Variants in LBP observed in about 807,000 individuals in gnomAD.
LBP encodes lipopolysaccharide-binding protein.
LBP carries 53 observed loss-of-function variants against 56.6 expected under a neutral mutation model. The ratio of observed to expected loss-of-function variants is 0.94; its 90% CI spans 0.75 to 1.18. The LOEUF (loss-of-function observed/expected upper bound fraction) is 1.18, where lower values mean the gene tolerates loss of function less well. Among genes scored for constraint, LBP ranks in the 50% most tolerant of loss-of-function variants. The pLI, the probability that LBP is intolerant of heterozygous loss-of-function variation, is 0.00. For synonymous variants in LBP, 227 were observed against 247.5 expected (o/e 0.92, Z 0.78); for missense variants, 601 against 598.3 (o/e 1.00, Z -0.05).
rs386814036 is a variant in LBP at position 38,374,337 on chromosome 20, G to A, written c.1401+324G>A. ...CTGCGGGCCGGGTGCAGTGGCTCAC[G>A]CCTGTAATCCCAGCACTTTGGGAGG... On this transcript the variant is annotated intron_variant, in intron 14 of 14. Transcript: ENST00000217407. Among the ~76,000 whole-genome samples, 77 of 152,270 alleles carry A rather than the reference G, an allele frequency of 5.1e-4. 1 individual carries two copies. Among genetic ancestry groups the A allele is most frequent in the African/African-American group, 1.8e-3 (75 of 41,578 alleles).
intron 7 of LBP, 99 bp from the exon 8 acceptor site, chr20:38,364,477 C>A: frequency 1.8e-6 from 2 of 1,111,346 alleles, no homozygotes; most frequent in Non-Finnish European, 2.7e-6. Flanking sequence ...AGGCAGTGTT[C>A]CAGCCAGCGT....
At chr20:38,363,227 T>C (rs2076867806) in intron 6 of LBP, among the ~76,000 whole-genome samples, 1 of 152,216 alleles carries the variant, frequency 6.6e-6, no homozygotes, top group Admixed American at 6.5e-5. Context: ...TATGCCCAGA[T>C]TCAGCATTAT....
intron 14 of LBP, 144 bp from the exon 15 acceptor site, chr20:38,376,481 T>A (rs2083959123): frequency 1.3e-6 from 1 of 740,974 alleles, no homozygotes; most frequent in Non-Finnish European, 2.4e-6. Context: ...GCTTGGGGAC[T>A]GAGGCACACT....
chr20:38,370,492 T>A (rs1188409354), intron 10 of LBP, among the ~76,000 whole-genome samples: 1 of 152,198 alleles, frequency 6.6e-6, no homozygotes, highest in Non-Finnish European at 1.5e-5. Flanking sequence ...CTTCTCTTAG[T>A]AGTCTGTTCA....
chr20:38,358,994 T>C (rs938749821), intron 5 of LBP, among the ~76,000 whole-genome samples: 3 of 152,230 alleles, frequency 2.0e-5, no homozygotes, highest in Non-Finnish European at 4.4e-5. Flanking sequence ...TTGAAAATGG[T>C]CTCTTGATTG....
chr20:38,366,046 G>C (rs73287212), intron 8 of LBP, among the ~76,000 whole-genome samples: 3 of 152,028 alleles, frequency 2.0e-5, no homozygotes, highest in African/African-American at 7.3e-5. Context: ...ACCTTTAATG[G>C]TTCTCCAGTT....
intron 3 of LBP, among the ~76,000 whole-genome samples, chr20:38,352,424 G>T (rs146991170): frequency 0.01 from 1,565 of 152,284 alleles, 11 homozygotes; most frequent in Non-Finnish European, 0.017. Flanking sequence ...TGCAACACTG[G>T]ATTTGAAGAT....
chr20:38,369,081 G>C lies in LBP; in HGVS notation c.1068G>C (p.Leu356=). 1.2e-6 allele frequency: 2 copies of C among 1,614,202 alleles called. No individual in the cohort carries two copies. The highest frequency in any genetic ancestry group is 1.3e-5 in the African/African-American group (1 of 75,050). ...TCCTGAACTTCAGCCCTGGGAATCT[G>C]TCTGTGGACCCCTATATGGAGATAG... The part of the protein sequence containing the change: ...APLLNFSPGN[L]SVDPYMEIDA... The change falls in exon 10 of 15, where the codon CTG becomes CTC. Residue 356 remains leucine, a synonymous_variant. Coordinates refer to ENST00000217407, the MANE Select transcript of LBP (RefSeq NM_004139.5).
chr20:38,369,595 T>C (rs1350514657), intron 10 of LBP, among the ~76,000 whole-genome samples: 2 of 152,206 alleles, frequency 1.3e-5, no homozygotes, highest in Non-Finnish European at 2.9e-5. Context: ...AGGAGAATGA[T>C]GGCGGGGAGG....
At chr20:38,346,736 C>T in intron 1 of LBP, 96 bp downstream of exon 1, 10 of 1,537,494 alleles carry the variant, frequency 6.5e-6, no homozygotes, top group Middle Eastern at 3.5e-4. Flanking sequence ...AGACCGGACC[C>T]TCTCCCTGGG....
rs1458477483 is a variant in LBP, at chr20:38,369,127, A to G, written c.1114A>G (p.Ser372Gly). Reference protein sequence around the residue: ...MEIDAFVLLPSSSKEPVFRLS... With the variant: ...MEIDAFVLLPGSSKEPVFRLS... ...GATAGATGCCTTTGTGCTCCTGCCC[A>G]GCTCCAGCAAGGAGCCTGTCTTCCG... The change falls in exon 10 of 15, where the codon AGC (serine) becomes GGC (glycine). Residue 372 changes from serine (S) to glycine (G), a missense_variant. Physicochemically the swap from Ser to Gly is moderately conservative, Grantham distance 56 (BLOSUM62 0). Transcript: ENST00000217407. The G allele has an allele frequency of 6.2e-7, 1 of 1,613,990 alleles. No individual in the cohort carries two copies. The highest frequency in any genetic ancestry group is 8.5e-7 in the Non-Finnish European group (1 of 1,180,026).
At chr20:38,361,304 TATAA>T (rs1781087718) in intron 6 of LBP, among the ~76,000 whole-genome samples, 1 of 152,240 alleles carries the variant, frequency 6.6e-6, no homozygotes, top group Non-Finnish European at 1.5e-5. Flanking sequence ...CATGTAAGCA[TATAA>T]ATAGACATTC....
intron 7 of LBP, 70 bp from the exon 8 acceptor site, chr20:38,364,506 A>G (rs2076873599): frequency 1.4e-5 from 20 of 1,433,834 alleles, no homozygotes; most frequent in Non-Finnish European, 1.9e-5. Flanking sequence ...CGGACTGTGT[A>G]GGGGAATACC....
chr20:38,364,084 G>A lies in LBP; in HGVS notation c.744+18G>A, dbSNP rs376656218. ...TGTTTAAGGTGAGGGTCCTGGGGCC[G>A]GGCTGCGTGGGTGAGGCTTTCCCTC... On this transcript the variant is annotated intron_variant, in intron 7 of 14. Coordinates refer to ENST00000217407, the MANE Select transcript of LBP (RefSeq NM_004139.5). 219 of 1,556,342 alleles carry A rather than the reference G, an allele frequency of 1.4e-4. No individual in the cohort carries two copies. Among genetic ancestry groups the A allele is most frequent in the Middle Eastern group, 1.7e-4 (1 of 5,938 alleles).
intron 5 of LBP, 133 bp from the exon 6 acceptor site, chr20:38,360,571 A>G: frequency 3.1e-6 from 2 of 649,406 alleles, no homozygotes; most frequent in Non-Finnish European, 2.8e-6. Flanking sequence ...CTGGCTCATG[A>G]CAAGCACTTA....
At chr20:38,366,200 G>A (rs139999480) in intron 8 of LBP, among the ~76,000 whole-genome samples, 8 of 152,322 alleles carry the variant, frequency 5.3e-5, no homozygotes, top group African/African-American at 1.4e-4. Flanking sequence ...GTCAGGGGCC[G>A]TCTGGTAGAT....
chr20:38,368,426 C>G lies in LBP; in HGVS notation c.982-569C>G, dbSNP rs557783853. 1.9e-3 allele frequency among the ~76,000 whole-genome samples: 288 copies of G among 152,148 alleles called. 1 individual carries two copies. The highest frequency in any genetic ancestry group is 6.5e-3 in the African/African-American group (270 of 41,506). The stretch of plus-strand genomic sequence containing the variant: ...ACCAGCCTGGCCAACATGGTGAAAC[C>G]CCATCTCTACTAAAAATACAAAATT... On this transcript the variant is annotated intron_variant, in intron 9 of 14. Coordinates refer to ENST00000217407, the MANE Select transcript of LBP (RefSeq NM_004139.5).
At chr20:38,375,765 G>A (rs563262291) in intron 14 of LBP, among the ~76,000 whole-genome samples, 4 of 152,184 alleles carry the variant, frequency 2.6e-5, no homozygotes, top group East Asian at 1.9e-4. Context: ...CTGGGTTGGC[G>A]GACTCATTAG....
intron 13 of LBP, among the ~76,000 whole-genome samples, chr20:38,373,547 C>T (rs913859594): frequency 6.6e-6 from 1 of 152,244 alleles, no homozygotes; most frequent in African/African-American, 2.4e-5. Flanking sequence ...AATCCTGTTT[C>T]CATGAAGCTT....
Sources: allele counts gnomAD v4.1 joint callset (sites outside exome capture counted in the v4.1 genomes callset), GRCh38; gene constraint gnomAD v4.1.1; transcripts MANE v1.5; gene names NCBI Gene and HGNC (gene_info 2026-07-23, HGNC 2026-07-21).